The following WDR41 variants were observed in gnomAD, a reference collection of about 807,000 sequenced individuals.
The protein encoded by WDR41 is WD repeat domain 41, also known as WD repeat-containing protein 41.
In WDR41, 63 loss-of-function variants were observed where a neutral mutation model predicts 69.3. The ratio of observed to expected loss-of-function variants is 0.91; its 90% CI spans 0.74 to 1.12. The LOEUF (loss-of-function observed/expected upper bound fraction) is 1.12. Ranked by LOEUF, WDR41 falls within the 50% of genes most tolerant of loss-of-function variation. The pLI is 0.00. For missense variants in WDR41, 543 were observed against 534.5 expected (o/e 1.02, Z -0.16); for synonymous variants, 185 against 192.1 (o/e 0.96, Z 0.31).
At chr5:77,600,403 T>C (rs565046012) in intron 1 of WDR41, among the ~76,000 whole-genome samples, 102 of 152,252 alleles carry the variant, frequency 6.7e-4, no homozygotes, top group Middle Eastern at 3.4e-3. Context: ...ACGAAACATT[T>C]AGAAACAATA....
intron 9 of WDR41, among the ~76,000 whole-genome samples, chr5:77,439,802 TATTA>T (rs1244416961): frequency 1.3e-5 from 2 of 152,218 alleles, no homozygotes; most frequent in East Asian, 1.9e-4. Context: ...AACTTTTAAA[TATTA>T]ATTTTCACAA....
At chr5:77,454,407 A>G (rs1168645331) in intron 5 of WDR41, among the ~76,000 whole-genome samples, 1 of 152,142 alleles carries the variant, frequency 6.6e-6, no homozygotes, top group Non-Finnish European at 1.5e-5. Flanking sequence ...AATCACAAAC[A>G]CTGTGAGATG....
chr5:77,434,319 A>G (rs1172425722), intron 12 of WDR41, among the ~76,000 whole-genome samples: 2 of 152,026 alleles, frequency 1.3e-5, no homozygotes, highest in African/African-American at 4.8e-5. Flanking sequence ...CTCGGGAAAA[A>G]AAACAAGAGT....
intron 1 of WDR41, among the ~76,000 whole-genome samples, chr5:77,519,335 A>G (rs1802339002): frequency 6.6e-6 from 1 of 151,932 alleles, no homozygotes; most frequent in African/African-American, 2.4e-5. Flanking sequence ...AGACACCATA[A>G]TCAATTATAC....
At chr5:77,437,681 A>T (rs1051706758) in intron 10 of WDR41, among the ~76,000 whole-genome samples, 1 of 152,232 alleles carries the variant, frequency 6.6e-6, no homozygotes, top group Admixed American at 6.5e-5. Context: ...TTGGGAAAAC[A>T]GTGTGAATTA....
intron 1 of WDR41, among the ~76,000 whole-genome samples, chr5:77,566,521 C>A (rs995895823): frequency 1.3e-5 from 2 of 152,128 alleles, no homozygotes; most frequent in African/African-American, 4.8e-5. Context: ...GCTATTAAAG[C>A]AAGCCAAGAC....
At chr5:77,461,699 G>C (rs1273494946) in intron 4 of WDR41, among the ~76,000 whole-genome samples, 2 of 152,058 alleles carry the variant, frequency 1.3e-5, no homozygotes, top group Admixed American at 1.3e-4. Flanking sequence ...TTAGCCGGAC[G>C]TGGTGGCAGG....
chr5:77,616,687 C>T lies in WDR41; in HGVS notation c.42+3792G>A, dbSNP rs114317341. ...CCTTACCACATCCCTCATATACCTA[C>T]TCTAAATGACCAAGCCACAGCCCAA... On this transcript the variant is annotated intron_variant, in intron 1 of 5. Coordinates refer to the WDR41 transcript ENST00000509971. 3.4e-3 allele frequency among the ~76,000 whole-genome samples: 520 copies of T among 152,294 alleles called. 5 individuals are homozygous for T. The highest frequency in any genetic ancestry group is 0.011 in the African/African-American group (474 of 41,558).
chr5:77,438,164 A>C, intron 10 of WDR41, 76 bp downstream of exon 10: 1 of 1,592,578 alleles, frequency 6.3e-7, no homozygotes, highest in South Asian at 1.1e-5. Flanking sequence ...TAACTTGGCC[A>C]CTTGAGAAAT....
chr5:77,593,834 G>A (rs1422581350), intron 1 of WDR41, among the ~76,000 whole-genome samples: 1 of 152,062 alleles, frequency 6.6e-6, no homozygotes, highest in Non-Finnish European at 1.5e-5. Context: ...GATTTCATAA[G>A]TGCTTATACT....
intron 1 of WDR41, among the ~76,000 whole-genome samples, chr5:77,559,593 A>G (rs1743484954): frequency 6.6e-6 from 1 of 151,510 alleles, no homozygotes; most frequent in South Asian, 2.1e-4. Context: ...GTTGATGTAT[A>G]CATAACATAT....
intron 2 of WDR41, among the ~76,000 whole-genome samples, chr5:77,487,671 G>T (rs1267878402): frequency 2.0e-5 from 3 of 152,106 alleles, no homozygotes; most frequent in Non-Finnish European, 2.9e-5. Flanking sequence ...GGGTCCCTTG[G>T]ACCACACCTA....
At chr5:77,452,901 T>A (rs1361390928) in intron 6 of WDR41, 1 of 152,106 alleles carries the variant, frequency 6.6e-6, no homozygotes, top group East Asian at 1.9e-4. Context: ...ATAAAATTCA[T>A]GAAAACCACA....
chr5:77,606,211 G>A (rs1744415421), intron 1 of WDR41, among the ~76,000 whole-genome samples: 1 of 152,040 alleles, frequency 6.6e-6, no homozygotes, highest in African/African-American at 2.4e-5. Context: ...GAGATTATAC[G>A]AGCCTAACTA....
intron 1 of WDR41, among the ~76,000 whole-genome samples, chr5:77,595,969 C>T (rs944606179): frequency 6.6e-5 from 10 of 152,080 alleles, no homozygotes; most frequent in South Asian, 2.1e-4. Context: ...GGAATCCAGA[C>T]GTTTCTTAAC....
upstream of WDR41, among the ~76,000 whole-genome samples, chr5:77,496,595 T>C (rs1390864003): frequency 1.3e-5 from 2 of 151,938 alleles, no homozygotes; most frequent in African/African-American, 4.8e-5. Flanking sequence ...CAACAAAACA[T>C]TGCTGAAAGA....
intron 1 of WDR41, among the ~76,000 whole-genome samples, chr5:77,519,811 A>C (rs1183471671): frequency 6.6e-6 from 1 of 151,620 alleles, no homozygotes; most frequent in Non-Finnish European, 1.5e-5. Flanking sequence ...TCATATAAAC[A>C]CACACAGGAA....
At chr5:77,487,684 T>C (rs1200850709) in intron 2 of WDR41, among the ~76,000 whole-genome samples, 1 of 152,164 alleles carries the variant, frequency 6.6e-6, no homozygotes, top group African/African-American at 2.4e-5. Context: ...CACACCTAAG[T>C]TTATACTAAA....
intron 4 of WDR41, among the ~76,000 whole-genome samples, chr5:77,459,919 CA>C (rs1554110370): frequency 1.3e-5 from 2 of 152,224 alleles, no homozygotes; most frequent in South Asian, 4.1e-4. Context: ...TATCCTAAGT[CA>C]AAATGCATTT....
Sources: gnomAD v4.1 joint callset for allele counts (sites outside exome capture counted in the v4.1 genomes callset) on GRCh38, gnomAD v4.1.1 for gene constraint, MANE v1.5 for transcripts, NCBI Gene and HGNC (gene_info 2026-07-23, HGNC 2026-07-21) for gene names.